The following BRINP3 variants were observed in gnomAD, a reference collection of about 807,000 sequenced individuals.
The protein encoded by BRINP3 is BMP/retinoic acid inducible neural specific 3.
BRINP3 carries 19 observed loss-of-function variants against 71.0 expected under a neutral mutation model. The ratio of observed to expected loss-of-function variants is 0.27; its 90% CI spans 0.19 to 0.39. The LOEUF is 0.39. Ranked by LOEUF, BRINP3 falls within the 10% of genes least tolerant of loss-of-function variation. BRINP3 has a pLI of 1.00. For synonymous variants in BRINP3, 380 were observed against 337.7 expected, an observed-to-expected ratio of 1.13 and a Z score of -1.37; for missense variants, 959 against 940.8, an observed-to-expected ratio of 1.02 and a Z score of -0.25.
intron 4 of BRINP3, among the ~76,000 whole-genome samples, chr1:190,241,436 ACTTTG>A (rs1167509182): frequency 6.6e-6 from 1 of 152,014 alleles, no homozygotes; most frequent in Non-Finnish European, 1.5e-5. Context: ...AGTTTTGGAA[ACTTTG>A]CTTGGCTTAA....
At chr1:190,254,575 G>A (rs1660472270) in intron 4 of BRINP3, among the ~76,000 whole-genome samples, 1 of 152,010 alleles carries the variant, frequency 6.6e-6, no homozygotes, top group Non-Finnish European at 1.5e-5. Context: ...CTCTCTGTTT[G>A]TCTCTTATTG....
intron 2 of BRINP3, among the ~76,000 whole-genome samples, chr1:190,350,718 A>C (rs975252026): frequency 1.3e-5 from 2 of 152,078 alleles, no homozygotes; most frequent in African/African-American, 4.8e-5. Flanking sequence ...TATAACCCAA[A>C]TGACATAGCA....
chr1:190,149,668 A>C (rs950079674), intron 7 of BRINP3, among the ~76,000 whole-genome samples: 4 of 151,150 alleles, frequency 2.6e-5, no homozygotes, highest in African/African-American at 9.7e-5. Context: ...TGTGAGAGAG[A>C]GAGACCTGGT....
intron 6 of BRINP3, among the ~76,000 whole-genome samples, chr1:190,223,254 A>G (rs1268251619): frequency 6.6e-6 from 1 of 152,008 alleles, no homozygotes; most frequent in Non-Finnish European, 1.5e-5. Flanking sequence ...ATCACTGATG[A>G]GCAGAGATGC....
chr1:190,219,112 C>T (rs1245123532), intron 6 of BRINP3, among the ~76,000 whole-genome samples: 2 of 151,898 alleles, frequency 1.3e-5, no homozygotes, highest in East Asian at 1.9e-4. Flanking sequence ...TAAAGAATCA[C>T]GGAGCAAGCA....
chr1:190,258,800 G>A (rs1332002071), intron 4 of BRINP3, among the ~76,000 whole-genome samples: 2 of 152,142 alleles, frequency 1.3e-5, no homozygotes, highest in East Asian at 3.9e-4. Flanking sequence ...TAGAGTTGGT[G>A]AGGACAGTGA....
intron 2 of BRINP3, among the ~76,000 whole-genome samples, chr1:190,419,510 A>G (rs1673222690): frequency 6.6e-6 from 1 of 152,018 alleles, no homozygotes; most frequent in South Asian, 2.1e-4. Context: ...TTTTTATTGT[A>G]TATTGTATAA....
chr1:190,244,967 T>C (rs1659451480), intron 4 of BRINP3, among the ~76,000 whole-genome samples: 1 of 152,078 alleles, frequency 6.6e-6, no homozygotes, highest in Non-Finnish European at 1.5e-5. Flanking sequence ...ATTATAGCCG[T>C]TTGAAGTTTC....
chr1:190,401,802 A>G (rs1671947214), intron 2 of BRINP3, among the ~76,000 whole-genome samples: 1 of 152,170 alleles, frequency 6.6e-6, no homozygotes, highest in African/African-American at 2.4e-5. Flanking sequence ...TTGTCCAATA[A>G]TGTTATTTTT....
At chr1:190,329,107 T>C (rs1402989186) in intron 2 of BRINP3, among the ~76,000 whole-genome samples, 1 of 151,724 alleles carries the variant, frequency 6.6e-6, no homozygotes, top group African/African-American at 2.4e-5. Flanking sequence ...CCCTTGAAAA[T>C]TTGAACAAAT....
chr1:190,313,250 C>A (rs1252376297), intron 2 of BRINP3, among the ~76,000 whole-genome samples: 4 of 151,840 alleles, frequency 2.6e-5, no homozygotes, highest in Non-Finnish European at 1.5e-5. Context: ...TGATAAGGTG[C>A]TGAGTAAATC....
chr1:190,303,051 C>G (rs1018790578), intron 2 of BRINP3, among the ~76,000 whole-genome samples: 1 of 151,542 alleles, frequency 6.6e-6, no homozygotes, highest in African/African-American at 2.4e-5. Context: ...ATGCTAAGGC[C>G]TTATTTTACA....
chr1:190,228,522 G>C (rs543466638), intron 5 of BRINP3, among the ~76,000 whole-genome samples: 3 of 151,962 alleles, frequency 2.0e-5, no homozygotes, highest in Middle Eastern at 3.4e-3. Flanking sequence ...AGGAATGATT[G>C]GTGGCAAGAA....
chr1:190,383,238 T>C (rs1225492940), intron 2 of BRINP3, among the ~76,000 whole-genome samples: 2 of 152,142 alleles, frequency 1.3e-5, no homozygotes, highest in African/African-American at 4.8e-5. Flanking sequence ...AATTTTCTTG[T>C]TACAGTATTA....
chr1:190,374,600 G>A (rs1670073038), intron 2 of BRINP3, among the ~76,000 whole-genome samples: 2 of 152,064 alleles, frequency 1.3e-5, no homozygotes, highest in Non-Finnish European at 2.9e-5. Flanking sequence ...CAGTAAGGTA[G>A]TGGGGTGTGA....
chr1:190,104,982 C>T (rs1307259851), intron 7 of BRINP3, among the ~76,000 whole-genome samples: 1 of 152,012 alleles, frequency 6.6e-6, no homozygotes. Flanking sequence ...TTTATTTCAG[C>T]CTTCATAGAT....
At chr1:190,394,001 A>T (rs569832319) in intron 2 of BRINP3, among the ~76,000 whole-genome samples, 1 of 151,618 alleles carries the variant, frequency 6.6e-6, no homozygotes, top group Non-Finnish European at 1.5e-5. Context: ...CAAACTTCCA[A>T]GTATTTCATT....
At chr1:190,311,595 TG>T (rs926934838) in intron 2 of BRINP3, among the ~76,000 whole-genome samples, 10 of 151,566 alleles carry the variant, frequency 6.6e-5, no homozygotes, top group African/African-American at 2.2e-4. Flanking sequence ...ATAAACCAAA[TG>T]CCAACCAAAA....
intron 2 of BRINP3, among the ~76,000 whole-genome samples, chr1:190,312,608 T>C (rs1665613144): frequency 6.6e-6 from 1 of 151,748 alleles, no homozygotes; most frequent in Admixed American, 6.6e-5. Flanking sequence ...CAGGCTTTCT[T>C]ATGATTTTTT....
Sources: allele counts gnomAD v4.1 joint callset (sites outside exome capture counted in the v4.1 genomes callset), GRCh38; gene constraint gnomAD v4.1.1; transcripts MANE v1.5; gene names NCBI Gene and HGNC (gene_info 2026-07-23, HGNC 2026-07-21).